SPIDR: variants seen among roughly 807,000 people sequenced by gnomAD.
SPIDR encodes the protein scaffold protein involved in DNA repair, also known as DNA repair-scaffolding protein.
In SPIDR, 93 loss-of-function variants were observed where a neutral mutation model predicts 104.6. The ratio of observed to expected loss-of-function variants is 0.89; its 90% CI spans 0.75 to 1.06. The LOEUF (loss-of-function observed/expected upper bound fraction) is 1.06. SPIDR is among the 50% of genes least tolerant of loss of function. The pLI, the probability that SPIDR is intolerant of heterozygous loss-of-function variation, is 0.00. For synonymous variants in SPIDR, 431 were observed against 416.9 expected (o/e 1.03, Z -0.41); for missense variants, 1,154 against 1,111.2 (o/e 1.04, Z -0.55).
At chr8:47,526,566 A>C (rs938184363) in intron 8 of SPIDR, among the ~76,000 whole-genome samples, 2 of 152,238 alleles carry the variant, frequency 1.3e-5, no homozygotes, top group African/African-American at 4.8e-5. Context: ...TGGTGCATTC[A>C]GCTGCCTGGT....
At position 47,687,477 on chromosome 8, in the gene SPIDR, A is replaced by G. The variant is rs185171348; in HGVS notation, c.1686-12926A>G. 2.6e-4 allele frequency among the ~76,000 whole-genome samples: 39 copies of G among 152,366 alleles called. No individual in the cohort carries two copies. The East Asian group carries it at 7.5e-3, about 29-fold the overall frequency. On this transcript the variant is annotated intron_variant, in intron 11 of 19. Coordinates refer to ENST00000297423, the MANE Select transcript of SPIDR (RefSeq NM_001080394.4). The stretch of plus-strand genomic sequence containing the variant: ...GTTTACCACTTCAAAGCAGTGCTGC[A>G]ACACACTTCCTTGTATATCTCTGTC...
At chr8:47,423,914 C>T (rs1319701771) in intron 7 of SPIDR, among the ~76,000 whole-genome samples, 1 of 152,192 alleles carries the variant, frequency 6.6e-6, no homozygotes, top group Admixed American at 6.5e-5. Flanking sequence ...TTGCTTTGCT[C>T]ATTATCTGCA....
chr8:47,692,689 C>T (rs1245693832), intron 11 of SPIDR, among the ~76,000 whole-genome samples: 3 of 151,676 alleles, frequency 2.0e-5, no homozygotes, highest in Non-Finnish European at 2.9e-5. Context: ...CTCCGGTGAC[C>T]GACCTGCCTC....
At chr8:47,556,034 C>T (rs922298066) in intron 8 of SPIDR, among the ~76,000 whole-genome samples, 1 of 151,946 alleles carries the variant, frequency 6.6e-6, no homozygotes, top group Non-Finnish European at 1.5e-5. Context: ...TTTATATGAC[C>T]CTACACAGAT....
At chr8:47,510,503 C>A (rs1312989908) in intron 8 of SPIDR, among the ~76,000 whole-genome samples, 1 of 150,868 alleles carries the variant, frequency 6.6e-6, no homozygotes, top group East Asian at 1.9e-4. Flanking sequence ...CTCTCCCTCC[C>A]AAAAATTATT....
chr8:47,471,789 C>T (rs1049745507), intron 8 of SPIDR, among the ~76,000 whole-genome samples: 9 of 152,154 alleles, frequency 5.9e-5, no homozygotes, highest in African/African-American at 2.2e-4. Flanking sequence ...GTGTTTGTTT[C>T]AGTTCATAAA....
intron 5 of SPIDR, among the ~76,000 whole-genome samples, chr8:47,368,528 C>G (rs1234990716): frequency 1.3e-5 from 2 of 152,088 alleles, no homozygotes; most frequent in Non-Finnish European, 2.9e-5. Flanking sequence ...GGTAAACATG[C>G]TGTGGTCTTG....
At chr8:47,363,815 A>G (rs1325430076) in intron 5 of SPIDR, among the ~76,000 whole-genome samples, 1 of 150,524 alleles carries the variant, frequency 6.6e-6, no homozygotes, top group Non-Finnish European at 1.5e-5. Context: ...CCAGAGTGGT[A>G]TCTAGGTGGT....
chr8:47,547,013 A>G (rs2089519564), intron 8 of SPIDR: 1 of 502,528 alleles, frequency 2.0e-6, no homozygotes, highest in South Asian at 1.7e-5. Flanking sequence ...GGGTAATGAC[A>G]CCAGTTCTTC....
chr8:47,510,229 A>G (rs1374078419), intron 8 of SPIDR, among the ~76,000 whole-genome samples: 1 of 152,240 alleles, frequency 6.6e-6, no homozygotes, highest in Non-Finnish European at 1.5e-5. Flanking sequence ...AAATTAAAAT[A>G]TCTTGGCAAA....
intron 5 of SPIDR, among the ~76,000 whole-genome samples, chr8:47,378,857 A>G (rs1401759265): frequency 6.6e-6 from 1 of 152,222 alleles, no homozygotes; most frequent in African/African-American, 2.4e-5. Context: ...AATAATTGCT[A>G]GTAGATTTGC....
intron 6 of SPIDR, among the ~76,000 whole-genome samples, chr8:47,402,273 C>T (rs1029531371): frequency 2.0e-5 from 3 of 151,956 alleles, no homozygotes; most frequent in Non-Finnish European, 4.4e-5. Flanking sequence ...AAATTAACAC[C>T]CTAACATCAC....
chr8:47,479,539 A>C (rs531873000), intron 8 of SPIDR, among the ~76,000 whole-genome samples: 1 of 152,256 alleles, frequency 6.6e-6, no homozygotes, highest in Non-Finnish European at 1.5e-5. Context: ...CACAGCCCAC[A>C]GCGGAATTCC....
At chr8:47,614,897 T>C (rs1462434528) in intron 10 of SPIDR, among the ~76,000 whole-genome samples, 2 of 152,216 alleles carry the variant, frequency 1.3e-5, no homozygotes, top group African/African-American at 4.8e-5. Context: ...CCATCCTGAC[T>C]GACATGAGAT....
chr8:47,554,795 G>A (rs1362991860), intron 8 of SPIDR, among the ~76,000 whole-genome samples: 1 of 152,182 alleles, frequency 6.6e-6, no homozygotes, highest in Non-Finnish European at 1.5e-5. Context: ...TAACTCAGTT[G>A]GAAATGCAGA....
chr8:47,599,958 A>G (rs960580075), intron 10 of SPIDR, among the ~76,000 whole-genome samples: 4 of 152,130 alleles, frequency 2.6e-5, no homozygotes, highest in Admixed American at 6.5e-5. Flanking sequence ...AGGTTTTGCT[A>G]TGTTGGCCAG....
At chr8:47,734,467 A>G (rs1031859416) in intron 19 of SPIDR, among the ~76,000 whole-genome samples, 12 of 152,164 alleles carry the variant, frequency 7.9e-5, no homozygotes, top group African/African-American at 1.9e-4. Flanking sequence ...CCATGACACC[A>G]TAACGATGGG....
chr8:47,273,558 A>G (rs1454764952), intron 1 of SPIDR, among the ~76,000 whole-genome samples: 2 of 151,116 alleles, frequency 1.3e-5, no homozygotes, highest in Admixed American at 6.6e-5. Flanking sequence ...TGAGAAGCTC[A>G]TCGAATCTTG....
At chr8:47,384,769 T>TA (rs1407968307) in intron 5 of SPIDR, among the ~76,000 whole-genome samples, 21 of 152,312 alleles carry the variant, frequency 1.4e-4, no homozygotes, top group Non-Finnish European at 2.5e-4. Context: ...GATCCTCTGC[T>TA]AAAAAATTCC....
Sources: allele counts gnomAD v4.1 joint callset (sites outside exome capture counted in the v4.1 genomes callset), GRCh38; gene constraint gnomAD v4.1.1; transcripts MANE v1.5; gene names NCBI Gene and HGNC (gene_info 2026-07-23, HGNC 2026-07-21).